SNX27: variants seen among roughly 807,000 people sequenced by gnomAD.
SNX27 encodes sorting nexin-27.
In SNX27, 22 loss-of-function variants were observed where a neutral mutation model predicts 71.6. The observed-to-expected ratio is 0.31, with a 90% CI of 0.22 to 0.44. SNX27 has a LOEUF of 0.44. Ranked by LOEUF, SNX27 falls within the 20% of genes least tolerant of loss-of-function variation. The pLI is 1.00. For synonymous variants in SNX27, 269 were observed against 277.2 expected, an observed-to-expected ratio of 0.97 and a Z score of 0.29; for missense variants, 531 against 698.6, an observed-to-expected ratio of 0.76 and a Z score of 2.70.
At position 151,696,668 on chromosome 1, in the gene SNX27, T is replaced by TTTTA. The variant is rs879141599; in HGVS notation, c.*2252_*2253insTTAT. ...TTTTTTCTGTTTTTTTTTTTTTTTT[T>TTTTA]TCCCAGAGTCTTGCTCTGTCGCCCA... On this transcript the variant is annotated 3_prime_UTR_variant, in exon 12 of 12. Coordinates refer to ENST00000458013, the MANE Select transcript of SNX27 (RefSeq NM_001330723.2). 1 of 131,896 alleles carries TTTTA rather than the reference T, an allele frequency of 7.6e-6. No individual in the cohort carries two copies. The highest frequency in any genetic ancestry group is 2.9e-5 in the African/African-American group (1 of 33,916). 8.2% of individuals were successfully genotyped at this position (131,896 alleles called of 1,614,324 possible).
chr1:151,624,437 T>TATA (rs1667828142), intron 1 of SNX27, among the ~76,000 whole-genome samples: 1 of 135,322 alleles, frequency 7.4e-6, no homozygotes, highest in African/African-American at 2.8e-5. Context: ...ATATATGTAT[T>TATA]TTTTTTTTTT....
At chr1:151,641,625 ATATATC>A (rs1668738789) in intron 2 of SNX27, among the ~76,000 whole-genome samples, 1 of 127,394 alleles carries the variant, frequency 7.8e-6, no homozygotes, top group African/African-American at 3.0e-5. Flanking sequence ...ATATATATAT[ATATATC>A]ATATGTATCA....
At chr1:151,613,584 C>T (rs907414114) in intron 1 of SNX27, among the ~76,000 whole-genome samples, 1 of 152,004 alleles carries the variant, frequency 6.6e-6, no homozygotes, top group African/African-American at 2.4e-5. Context: ...TTTTAAGGCG[C>T]CTTCTGCTGC....
chr1:151,685,304 T>C (rs897564333), intron 8 of SNX27: 1 of 152,242 alleles, frequency 6.6e-6, no homozygotes, highest in Non-Finnish European at 1.5e-5. Context: ...GTGATTCTGA[T>C]AGGTCATTTG....
At chr1:151,665,859 A>G in intron 5 of SNX27, 74 bp from the exon 6 acceptor site, 1 of 1,261,368 alleles carries the variant, frequency 7.9e-7, no homozygotes, top group Non-Finnish European at 1.1e-6. Flanking sequence ...TCCTCCACAG[A>G]CATACACCTG....
At chr1:151,621,499 A>G (rs1262910252) in intron 1 of SNX27, among the ~76,000 whole-genome samples, 2 of 152,246 alleles carry the variant, frequency 1.3e-5, no homozygotes, top group East Asian at 1.9e-4. Flanking sequence ...GAGCAAGACC[A>G]GAATGATAGG....
At chr1:151,662,348 T>G (rs1571839020) in intron 5 of SNX27, 78 bp downstream of exon 5, 2 of 878,772 alleles carry the variant, frequency 2.3e-6, no homozygotes, top group East Asian at 5.4e-5. Flanking sequence ...TCAATACATA[T>G]AAAGTGCTTA....
chr1:151,648,070 TTTGAGGTGGAGTCTCACTCTG>T (rs1414213938), intron 2 of SNX27, among the ~76,000 whole-genome samples: 1 of 152,194 alleles, frequency 6.6e-6, no homozygotes, highest in Non-Finnish European at 1.5e-5. Flanking sequence ...GTTTTTGTTT[TTTGAGGTGGAGTCTCACTCTG>T]TCACCCAGGC....
chr1:151,658,253 G>A lies in SNX27; in HGVS notation c.562G>A (p.Ala188Thr), dbSNP rs1242457506. ...TCACCAGGTATATAATGTTTACATG[G>A]CAGGGAGGCAGCTGTGTTCTAAGCG... ...EKFVVYNVYM[A>T]GRQLCSKRYR... is the part of the protein sequence containing the mutation. The change falls in exon 3 of 12, where the codon GCA (alanine) becomes ACA (threonine). Residue 188 changes from alanine (A) to threonine (T), a missense_variant. By Grantham distance (58) the Ala-to-Thr change is moderately conservative (BLOSUM62 0). Around this residue, in one of 5 missense-constraint regions of SNX27, gnomAD observed 184 missense variants for 289.6 expected, o/e 0.64. Coordinates refer to ENST00000458013, the MANE Select transcript of SNX27 (RefSeq NM_001330723.2). 2 of 1,610,080 alleles carry A rather than the reference G, an allele frequency of 1.2e-6. No individual in the cohort carries two copies. The highest frequency in any genetic ancestry group is 4.5e-5 in the East Asian group (2 of 44,842).
At chr1:151,625,629 A>T (rs762392317) in intron 1 of SNX27, among the ~76,000 whole-genome samples, 2 of 151,758 alleles carry the variant, frequency 1.3e-5, no homozygotes, top group Admixed American at 6.6e-5. Context: ...TGAGGTCATG[A>T]GTTCAAGACC....
intron 7 of SNX27, chr1:151,675,844 T>TTTTTC (rs1670672699): frequency 8.5e-6 from 1 of 117,534 alleles, no homozygotes; most frequent in Non-Finnish European, 1.7e-5. Context: ...TTTTTTTTTT[T>TTTTTC]TATATAGGCT....
chr1:151,693,740 T>G, intron 11 of SNX27: 4 of 1,569,608 alleles, frequency 2.5e-6, no homozygotes, highest in Non-Finnish European at 3.4e-6. Flanking sequence ...CTTCCATCTC[T>G]CATGACTTCA....
At chr1:151,687,805 G>C (rs1444486104) in intron 8 of SNX27, among the ~76,000 whole-genome samples, 2 of 151,998 alleles carry the variant, frequency 1.3e-5, no homozygotes, top group Non-Finnish European at 2.9e-5. Flanking sequence ...AAAATTAGCC[G>C]GGCGTGGTGG....
At chr1:151,641,627 A>ATC (rs1558046526) in intron 2 of SNX27, among the ~76,000 whole-genome samples, 1 of 120,966 alleles carries the variant, frequency 8.3e-6, no homozygotes, top group African/African-American at 2.9e-5. Context: ...ATATATATAT[A>ATC]TATCATATGT....
At chr1:151,649,886 T>A (rs1669244441) in intron 2 of SNX27, among the ~76,000 whole-genome samples, 1 of 151,954 alleles carries the variant, frequency 6.6e-6, no homozygotes, top group South Asian at 2.1e-4. Context: ...TTATATTTTA[T>A]TTTATTATTT....
intron 2 of SNX27, among the ~76,000 whole-genome samples, chr1:151,653,684 A>T (rs568418035): frequency 3.4e-5 from 5 of 149,146 alleles, no homozygotes; most frequent in African/African-American, 1.2e-4. Flanking sequence ...CATCTGGCTA[A>T]TTTTTTTTTT....
Position 151,614,789 on chromosome 1 carries a change from T to A in SNX27, c.311+2277T>A, listed in dbSNP as rs368546415. ...ACTAAAGCATTTATAATTATAAATT[T>A]ATGATGAAGTTCTACATTATTTACT... On this transcript the variant is annotated intron_variant, in intron 1 of 11. Transcript: ENST00000458013. 1.4e-4 allele frequency among the ~76,000 whole-genome samples: 21 copies of A among 152,362 alleles called. No homozygotes were observed. The East Asian group carries it at 2.5e-3, about 18-fold the overall frequency.
At chr1:151,613,909 T>TTTCGA (rs1667309711) in intron 1 of SNX27, 1 of 151,160 alleles carries the variant, frequency 6.6e-6, no homozygotes, top group Non-Finnish European at 1.5e-5. Context: ...TCCCTCCATA[T>TTTCGA]TTCGATTTGC....
At chr1:151,688,052 G>A (rs894165657) in intron 8 of SNX27, among the ~76,000 whole-genome samples, 1 of 151,290 alleles carries the variant, frequency 6.6e-6, no homozygotes, top group African/African-American at 2.4e-5. Context: ...TACTATACCT[G>A]TCCAATTCTC....
Sources: gnomAD v4.1 joint callset for allele counts (sites outside exome capture counted in the v4.1 genomes callset) on GRCh38, gnomAD v4.1.1 for gene constraint, gnomAD v4.1.1 regional missense constraint, MANE v1.5 for transcripts, NCBI Gene and HGNC (gene_info 2026-07-23, HGNC 2026-07-21) for gene names.